Variants in SNAP47 observed in about 807,000 individuals in gnomAD.
SNAP47 encodes synaptosome associated protein 47.
SNAP47 carries 20 observed loss-of-function variants against 31.4 expected under a neutral mutation model. The observed-to-expected ratio is 0.64, with a 90% CI of 0.45 to 0.93. The LOEUF is 0.93. Among genes scored for constraint, SNAP47 ranks in the 40% least tolerant of loss-of-function variants. The pLI is 0.00. For synonymous variants in SNAP47, 194 were observed against 213.4 expected (o/e 0.91, Z 0.79); for missense variants, 492 against 528.5 (o/e 0.93, Z 0.68).
chr1:227,764,496 C>A (rs888734976), intron 3 of SNAP47, among the ~76,000 whole-genome samples: 3 of 152,112 alleles, frequency 2.0e-5, no homozygotes, highest in Admixed American at 6.5e-5. Context: ...CGGCTGGGCA[C>A]GGTGGTTCAT....
chr1:227,764,596 C>T (rs1187197436), intron 3 of SNAP47, among the ~76,000 whole-genome samples: 1 of 150,232 alleles, frequency 6.7e-6, no homozygotes, highest in African/African-American at 2.5e-5. Context: ...ATTAAGACCC[C>T]CGTCTCTATA....
chr1:227,773,047 G>A (rs187695404), intron 4 of SNAP47, among the ~76,000 whole-genome samples: 151 of 151,738 alleles, frequency 1.0e-3, no homozygotes, highest in Middle Eastern at 3.4e-3. Context: ...TGCAATCTCC[G>A]CCTCCCAGGC....
At chr1:227,776,288 T>TC (rs1190168537) in intron 4 of SNAP47, 1 of 1,002,756 alleles carries the variant, frequency 1.0e-6, no homozygotes, top group African/African-American at 1.7e-5. Context: ...GATTGTACTG[T>TC]CCTTCAAGCA....
At chr1:227,754,449 A>G (rs1469254024) in intron 2 of SNAP47, among the ~76,000 whole-genome samples, 1 of 152,134 alleles carries the variant, frequency 6.6e-6, no homozygotes, top group African/African-American at 2.4e-5. Context: ...CCATCTGTCC[A>G]TCCGTAAGGG....
Position 227,781,025 on chromosome 1 carries a change from TATAAA to T in SNAP47, c.*353_*357del. ...GACAGACTGGCCTTCTTAGCTGTAC[TATAAA>T]TTTGTGAGTGAAGTTAGAGCCCAGC... On this transcript the variant is annotated 3_prime_UTR_variant, in exon 5 of 5. Coordinates refer to ENST00000617596, the MANE Select transcript of SNAP47 (RefSeq NM_053052.4). The T allele has an allele frequency of 8.4e-6, 2 of 237,728 alleles. No individual in the cohort carries two copies. The highest frequency in any genetic ancestry group is 5.1e-5 in the Admixed American group (1 of 19,568). The allele number at this position is 237,728 out of a possible 1,614,324, so 14.7% of individuals were successfully genotyped here. A position where few individuals can be genotyped will look rare whatever the true frequency, so the allele number is the denominator to read the frequency against.
At chr1:227,733,071 GC>G (rs1660779911), upstream of SNAP47, 1 of 1,605,188 alleles carries the variant, frequency 6.2e-7, no homozygotes, top group Non-Finnish European at 8.5e-7. Flanking sequence ...CATGGCAGGT[GC>G]CCCCTGACCA....
At chr1:227,752,388 C>T (rs1254177156) in intron 2 of SNAP47, among the ~76,000 whole-genome samples, 1 of 152,084 alleles carries the variant, frequency 6.6e-6, no homozygotes, top group Non-Finnish European at 1.5e-5. Context: ...AGCTGGTGCC[C>T]TTGGCCACTC....
At chr1:227,734,081 AGACTAGGGCAGCACGAGTG>A, upstream of SNAP47, 1 of 1,587,888 alleles carries the variant, frequency 6.3e-7, no homozygotes, top group South Asian at 1.1e-5. Flanking sequence ...AGGCACGAGG[AGACTAGGGCAGCACGAGTG>A]GGGCAACTGA....
chr1:227,734,834 G>A, upstream of SNAP47: 1 of 1,613,168 alleles, frequency 6.2e-7, no homozygotes, highest in Non-Finnish European at 8.5e-7. Flanking sequence ...GAAAGGCACG[G>A]TCCATGCCAT....
At chr1:227,760,253 T>C (rs1356326711) in intron 3 of SNAP47, among the ~76,000 whole-genome samples, 3 of 152,230 alleles carry the variant, frequency 2.0e-5, no homozygotes, top group Non-Finnish European at 4.4e-5. Flanking sequence ...CACCTCAGGA[T>C]TGTTACTGGC....
chr1:227,747,563 G>T, intron 1 of SNAP47, 129 bp from the exon 2 acceptor site: 1 of 899,354 alleles, frequency 1.1e-6, no homozygotes, highest in South Asian at 1.7e-5. Context: ...GCCACAGGTG[G>T]ATCGAGAGTC....
At chr1:227,732,829 G>A, upstream of SNAP47, 1 of 1,606,658 alleles carries the variant, frequency 6.2e-7, no homozygotes, top group Non-Finnish European at 8.5e-7. Flanking sequence ...TCTGAGCCAT[G>A]CAGCCTAAAA....
chr1:227,743,346 G>A (rs1661743287), intron 1 of SNAP47, among the ~76,000 whole-genome samples: 2 of 152,178 alleles, frequency 1.3e-5, no homozygotes, highest in Admixed American at 1.3e-4. Flanking sequence ...GGCAGGGAGA[G>A]TGCGAGGTGC....
chr1:227,754,409 G>A (rs1324267642), intron 2 of SNAP47, among the ~76,000 whole-genome samples: 1 of 152,106 alleles, frequency 6.6e-6, no homozygotes, highest in Non-Finnish European at 1.5e-5. Flanking sequence ...ATTTGGGCAG[G>A]AAAACAAAAA....
At chr1:227,736,686 G>GTTTTTTTTT (rs112159513) in intron 1 of SNAP47, among the ~76,000 whole-genome samples, 5 of 110,914 alleles carry the variant, frequency 4.5e-5, no homozygotes, top group Non-Finnish European at 7.3e-5. Flanking sequence ...TTTTGTTTTT[G>GTTTTTTTTT]TTTTTTTTTT....
At chr1:227,770,080 G>A (rs1663696529) in intron 4 of SNAP47, among the ~76,000 whole-genome samples, 1 of 152,228 alleles carries the variant, frequency 6.6e-6, no homozygotes, top group South Asian at 2.1e-4. Flanking sequence ...GAACAGATGT[G>A]CCATGGCCGG....
upstream of SNAP47, chr1:227,732,240 C>T (rs1333635122): frequency 6.6e-5 from 58 of 873,576 alleles, no homozygotes; most frequent in Non-Finnish European, 9.1e-5. Flanking sequence ...CACCTGAAAA[C>T]AGGCACCCAG....
At position 227,762,227 on chromosome 1, in the gene SNAP47, C is replaced by T. The variant is rs1217013377; in HGVS notation, c.988+2742C>T. On this transcript the variant is annotated intron_variant, in intron 3 of 4. Coordinates refer to ENST00000617596, the MANE Select transcript of SNAP47 (RefSeq NM_053052.4). This position sits in a 1 kb window ranked among gnomAD's most constrained non-coding sequence, Gnocchi z 4.2. ...TGTGCCACCTTTCCGTGCTCACTTT[C>T]ACCCCCATGGGCAACCTGGCCTGTC... is the stretch of plus-strand genomic sequence containing the variant. 2.0e-5 allele frequency among the ~76,000 whole-genome samples: 3 copies of T among 152,228 alleles called. No homozygotes were observed. Among genetic ancestry groups the T allele is most frequent in the African/African-American group, 7.2e-5 (3 of 41,466 alleles).
Position 227,741,226 on chromosome 1 carries a change from T to C in SNAP47, c.-46+5727T>C, listed in dbSNP as rs375410639. ...GGGAGGCAACGGCTTGGGGGTGATG[T>C]TGAGTTTCTGGCCTGTGTTGTCTCA... is the stretch of plus-strand genomic sequence containing the variant. On this transcript the variant is annotated intron_variant, in intron 1 of 4. Coordinates refer to ENST00000617596, the MANE Select transcript of SNAP47 (RefSeq NM_053052.4). The surrounding 1 kb of genome is among the most constrained non-coding windows in gnomAD (Gnocchi z 4.2). 6.6e-6 allele frequency among the ~76,000 whole-genome samples: 1 copy of C among 152,080 alleles called. No homozygotes were observed. Among genetic ancestry groups the C allele is most frequent in the Admixed American group, 6.5e-5 (1 of 15,274 alleles).
Sources: allele counts gnomAD v4.1 joint callset (sites outside exome capture counted in the v4.1 genomes callset), GRCh38; gene constraint gnomAD v4.1.1; non-coding constraint Gnocchi (gnomAD v3.1); transcripts MANE v1.5; gene names NCBI Gene and HGNC (gene_info 2026-07-23, HGNC 2026-07-21).